Variants in SNTG1 observed in about 807,000 individuals in gnomAD.
SNTG1 encodes gamma-1-syntrophin.
SNTG1 carries 39 observed loss-of-function variants against 74.7 expected under a neutral mutation model. That is an observed-to-expected ratio of 0.52 (90% CI 0.40 to 0.68). The LOEUF is 0.68. Ranked by LOEUF, SNTG1 falls within the 30% of genes least tolerant of loss-of-function variation. SNTG1 has a pLI of 0.00. For synonymous variants in SNTG1, 254 were observed against 217.1 expected, an observed-to-expected ratio of 1.17 and a Z score of -1.49; for missense variants, 685 against 609.5, an observed-to-expected ratio of 1.12 and a Z score of -1.30.
intron 4 of SNTG1, among the ~76,000 whole-genome samples, chr8:50,422,970 C>T (rs2093114033): frequency 6.6e-6 from 1 of 152,118 alleles, no homozygotes; most frequent in African/African-American, 2.4e-5. Flanking sequence ...AGATGTAATT[C>T]AGGCATGTTG....
intron 17 of SNTG1, among the ~76,000 whole-genome samples, chr8:50,722,437 G>T (rs546782164): frequency 6.6e-6 from 1 of 151,980 alleles, no homozygotes; most frequent in African/African-American, 2.4e-5. Context: ...CAGCCTCCCA[G>T]TGTGCTGGGA....
intron 1 of SNTG1, among the ~76,000 whole-genome samples, chr8:50,039,349 G>C (rs935708893): frequency 1.3e-5 from 2 of 150,184 alleles, no homozygotes; most frequent in African/African-American, 4.9e-5. Context: ...CAGCTACTCA[G>C]GAGGCTGAGG....
intron 15 of SNTG1, among the ~76,000 whole-genome samples, chr8:50,686,985 AT>A (rs1251048493): frequency 2.0e-5 from 3 of 151,272 alleles, no homozygotes; most frequent in Admixed American, 2.0e-4. Flanking sequence ...AATACAAAAA[AT>A]TAGCCGGGCG....
intron 2 of SNTG1, among the ~76,000 whole-genome samples, chr8:50,347,253 T>A (rs2091507840): frequency 6.6e-6 from 1 of 152,198 alleles, no homozygotes; most frequent in African/African-American, 2.4e-5. Flanking sequence ...CTAGGGCTCT[T>A]AAGAATCATG....
intron 1 of SNTG1, among the ~76,000 whole-genome samples, chr8:49,913,589 G>C (rs62503974): frequency 0.013 from 1,937 of 152,228 alleles, 25 homozygotes; most frequent in Non-Finnish European, 0.021. Context: ...CTCCTTGGGG[G>C]CTCCGTTGCC....
intron 1 of SNTG1, among the ~76,000 whole-genome samples, chr8:49,967,989 C>T (rs1811304888): frequency 6.6e-6 from 1 of 152,182 alleles, no homozygotes; most frequent in Non-Finnish European, 1.5e-5. Flanking sequence ...TGGTCCTATC[C>T]TTCAGTGTCT....
At chr8:50,076,881 T>G (rs572535131) in intron 1 of SNTG1, among the ~76,000 whole-genome samples, 1 of 152,158 alleles carries the variant, frequency 6.6e-6, no homozygotes, top group East Asian at 1.9e-4. Flanking sequence ...TTAAAAAACA[T>G]TTAAGTAGAT....
chr8:50,071,680 G>T (rs1236779897), intron 1 of SNTG1, among the ~76,000 whole-genome samples: 2 of 151,756 alleles, frequency 1.3e-5, no homozygotes, highest in African/African-American at 4.8e-5. Flanking sequence ...GTTTCACCAT[G>T]TTGGCCAGGC....
intron 3 of SNTG1, among the ~76,000 whole-genome samples, chr8:50,399,125 C>A (rs1316103496): frequency 1.3e-5 from 2 of 152,066 alleles, no homozygotes; most frequent in Non-Finnish European, 2.9e-5. Context: ...TATCTGTAAC[C>A]TCTGGAAATG....
At chr8:50,227,914 C>G (rs1436081315) in intron 2 of SNTG1, among the ~76,000 whole-genome samples, 1 of 65,894 alleles carries the variant, frequency 1.5e-5, no homozygotes, top group Non-Finnish European at 3.3e-5. Context: ...ATGACATAAA[C>G]AACAACCAAA....
At chr8:50,180,436 C>T (rs10110663) in intron 2 of SNTG1, among the ~76,000 whole-genome samples, 4,517 of 152,094 alleles carry the variant, frequency 0.03, 226 homozygotes, top group African/African-American at 0.096. Flanking sequence ...GCTTACCATA[C>T]ATACAAAAAA....
chr8:50,071,849 A>G (rs1207138838), intron 1 of SNTG1, among the ~76,000 whole-genome samples: 1 of 152,090 alleles, frequency 6.6e-6, no homozygotes, highest in Non-Finnish European at 1.5e-5. Flanking sequence ...ATTATGCAAC[A>G]ATAAAAAGTT....
intron 13 of SNTG1, among the ~76,000 whole-genome samples, chr8:50,605,220 G>A (rs1209668309): frequency 6.6e-6 from 1 of 152,178 alleles, no homozygotes; most frequent in Non-Finnish European, 1.5e-5. Flanking sequence ...GGGGAGGGGT[G>A]GTGCAAGCCC....
chr8:50,546,975 G>A (rs967905271), intron 11 of SNTG1, among the ~76,000 whole-genome samples: 2 of 152,034 alleles, frequency 1.3e-5, no homozygotes, highest in African/African-American at 2.4e-5. Context: ...TAGAGATGGG[G>A]TTTTGCCATG....
intron 2 of SNTG1, among the ~76,000 whole-genome samples, chr8:50,189,473 A>ACTG: frequency 6.6e-6 from 1 of 152,150 alleles, no homozygotes; most frequent in East Asian, 1.9e-4. Flanking sequence ...CAGGGACCAC[A>ACTG]CTGTGCAAAC....
intron 15 of SNTG1, among the ~76,000 whole-genome samples, chr8:50,673,538 C>G (rs1382546475): frequency 6.6e-6 from 1 of 152,136 alleles, no homozygotes; most frequent in Non-Finnish European, 1.5e-5. Context: ...TATGTTGAGA[C>G]TTTGCTGAAG....
intron 1 of SNTG1, among the ~76,000 whole-genome samples, chr8:50,017,010 C>A (rs1290206938): frequency 2.6e-5 from 4 of 151,950 alleles, no homozygotes; most frequent in African/African-American, 9.7e-5. Flanking sequence ...TCATATTCAA[C>A]AACAAAAAGA....
intron 15 of SNTG1, among the ~76,000 whole-genome samples, chr8:50,688,932 T>C (rs943806072): frequency 2.0e-5 from 3 of 152,164 alleles, no homozygotes; most frequent in East Asian, 3.9e-4. Flanking sequence ...TTGTATTTCA[T>C]TGAGCAGTGG....
At chr8:50,091,549 T>C (rs1185669075) in intron 1 of SNTG1, among the ~76,000 whole-genome samples, 1 of 152,164 alleles carries the variant, frequency 6.6e-6, no homozygotes, top group Non-Finnish European at 1.5e-5. Context: ...ATTGTCTTTC[T>C]GTGCCTGGTT....
Sources: gnomAD v4.1 joint callset for allele counts (sites outside exome capture counted in the v4.1 genomes callset) on GRCh38, gnomAD v4.1.1 for gene constraint, MANE v1.5 for transcripts, NCBI Gene and HGNC (gene_info 2026-07-23, HGNC 2026-07-21) for gene names.